PTH: variants seen among roughly 807,000 people sequenced by gnomAD.
PTH encodes the protein parathyroid hormone, also known as parathormone.
PTH carries 7 observed loss-of-function variants against 7.4 expected under a neutral mutation model. That is an observed-to-expected ratio of 0.94 (90% CI 0.53 to 1.77). The LOEUF (loss-of-function observed/expected upper bound fraction) is 1.77, where lower values mean the gene tolerates loss of function less well. Ranked by LOEUF, PTH falls within the 40% of genes most tolerant of loss-of-function variation. PTH has a pLI of 0.00. For missense variants in PTH, 128 were observed against 137.1 expected, an observed-to-expected ratio of 0.93 and a Z score of 0.33; for synonymous variants, 51 against 46.6, an observed-to-expected ratio of 1.09 and a Z score of -0.39.
intron 1 of PTH, among the ~76,000 whole-genome samples, chr11:13,493,846 C>G (rs1847506855): frequency 6.6e-6 from 1 of 152,028 alleles, no homozygotes; most frequent in Non-Finnish European, 1.5e-5. Context: ...AAAGTATTTC[C>G]TTTCTTATGA....
intron 1 of PTH, among the ~76,000 whole-genome samples, chr11:13,494,408 T>C (rs1847514734): frequency 6.6e-6 from 1 of 152,142 alleles, no homozygotes; most frequent in African/African-American, 2.4e-5. Flanking sequence ...GCCTCTGTCA[T>C]ACAGAATGCT....
In PTH at chr11:13,492,370, C is replaced by T. The variant is rs1847484180; in HGVS notation, c.*35G>A. The T allele has an allele frequency of 1.9e-6, 3 of 1,604,694 alleles. No individual in the cohort carries two copies. The highest frequency in any genetic ancestry group is 2.5e-6 in the Non-Finnish European group (3 of 1,179,602). ...AGCATGTATTGTTGCCCTACACTGT[C>T]TAGAGCAGAACTCTGACAATATCTG... On this transcript the variant is annotated 3_prime_UTR_variant, in exon 3 of 3. Transcript: ENST00000282091.
Position 13,492,333 on chromosome 11 carries a change from C to T in PTH, c.*72G>A. 8.2e-6 allele frequency: 13 copies of T among 1,579,622 alleles called. No homozygotes were observed. Among genetic ancestry groups the T allele is most frequent in the Non-Finnish European group, 9.5e-6 (11 of 1,162,290 alleles). The stretch of plus-strand genomic sequence containing the variant: ...TTGGCACTTGGAAATCTTAATAGAG[C>T]TTTGAATTAGCAGCATGTATTGTTG... On this transcript the variant is annotated 3_prime_UTR_variant, in exon 3 of 3. Transcript: ENST00000282091.
At chr11:13,495,579 C>T (rs1020341562) in intron 1 of PTH, among the ~76,000 whole-genome samples, 6 of 152,124 alleles carry the variant, frequency 3.9e-5, no homozygotes, top group African/African-American at 1.2e-4. Flanking sequence ...CAGAACTATT[C>T]ATTCACCATC....
chr11:13,492,148 T>C lies in PTH; in HGVS notation c.*257A>G, dbSNP rs1847479980. On this transcript the variant is annotated 3_prime_UTR_variant, in exon 3 of 3. Coordinates refer to ENST00000282091, the MANE Select transcript of PTH (RefSeq NM_000315.4). ...GAGAGGTTTAAAAGTGCAATTTTATTCTTTTATAAATTATGCAATAACATA... is the reference window on the plus strand; with the variant it reads ...GAGAGGTTTAAAAGTGCAATTTTATCCTTTTATAAATTATGCAATAACATA... 1 of 421,208 alleles carries C rather than the reference T, an allele frequency of 2.4e-6. No homozygotes were observed. Among genetic ancestry groups the C allele is most frequent in the Non-Finnish European group, 4.2e-6 (1 of 240,036 alleles). 26.1% of individuals were successfully genotyped at this position (421,208 alleles called of 1,614,324 possible).
chr11:13,493,629 T>C (rs1847504768), intron 1 of PTH, among the ~76,000 whole-genome samples: 1 of 152,248 alleles, frequency 6.6e-6, no homozygotes, highest in Non-Finnish European at 1.5e-5. Context: ...CCAGAATTCA[T>C]TCTGCATAAA....
Position 13,492,383 on chromosome 11 carries a change from C to CTT in PTH, c.*21_*22insAA. 1 of 1,607,766 alleles carries CTT rather than the reference C, an allele frequency of 6.2e-7. No individual in the cohort carries two copies. Among genetic ancestry groups the CTT allele is most frequent in the Non-Finnish European group, 8.5e-7 (1 of 1,179,878 alleles). ...GCCCTACACTGTCTAGAGCAGAACT[C>CTT]TGACAATATCTGTTTTCATTTTCAC... On this transcript the variant is annotated 3_prime_UTR_variant, in exon 3 of 3. Transcript: ENST00000282091.
At chr11:13,494,708 G>A (rs1453568437) in intron 1 of PTH, among the ~76,000 whole-genome samples, 4 of 152,136 alleles carry the variant, frequency 2.6e-5, no homozygotes, top group Non-Finnish European at 5.9e-5. Context: ...GAGTTCTGAA[G>A]CTTCTAATTA....
chr11:13,493,920 T>C (rs1340216000), intron 1 of PTH, among the ~76,000 whole-genome samples: 1 of 152,230 alleles, frequency 6.6e-6, no homozygotes, highest in African/African-American at 2.4e-5. Flanking sequence ...TATCCTAGTA[T>C]AGAGAGCAAT....
At position 13,492,676 on chromosome 11, in the gene PTH, A is replaced by G; in HGVS notation, c.87-10T>C. On this transcript the variant is annotated splice_polypyrimidine_tract_variant and intron_variant, in intron 2 of 2. Transcript: ENST00000282091. ...ACTCACAGATCTCTTCCTGGGAAGA[A>G]GAGAAACAGAGAGGGCCACTTCCCA... 6.2e-7 allele frequency: 1 copy of G among 1,614,086 alleles called. No individual in the cohort carries two copies. Among genetic ancestry groups the G allele is most frequent in the Non-Finnish European group, 8.5e-7 (1 of 1,180,002 alleles).
rs1402846172 is a variant in PTH at position 13,492,332 on chromosome 11, G to A, written c.*73C>T. 1.9e-6 allele frequency: 3 copies of A among 1,576,582 alleles called. No individual in the cohort carries two copies. The highest frequency in any genetic ancestry group is 3.4e-5 in the Admixed American group (2 of 59,646). On this transcript the variant is annotated 3_prime_UTR_variant, in exon 3 of 3. Transcript: ENST00000282091. ...ATTGGCACTTGGAAATCTTAATAGA[G>A]CTTTGAATTAGCAGCATGTATTGTT...
chr11:13,496,146 CTCT>C (rs1847533597), upstream of PTH: 1 of 152,088 alleles, frequency 6.6e-6, no homozygotes, highest in Non-Finnish European at 1.5e-5. Flanking sequence ...GCGGTGCACA[CTCT>C]TCTTAAGTTT....
rs555718459 is a variant in PTH, at chr11:13,494,204, G to C, written c.-5-1344C>G. ...TGGATGGTGCTGGAAGCCAGGCCTG[G>C]GATTTGGAGAGAAGAGTCTCCAACA... is the stretch of plus-strand genomic sequence containing the variant. On this transcript the variant is annotated intron_variant, in intron 1 of 2. Coordinates refer to ENST00000282091, the MANE Select transcript of PTH (RefSeq NM_000315.4). 2.0e-5 allele frequency among the ~76,000 whole-genome samples: 3 copies of C among 152,178 alleles called. No individual in the cohort carries two copies. In the South Asian group the frequency reaches 6.2e-4, roughly 32 times the overall value.
intron 1 of PTH, among the ~76,000 whole-genome samples, 196 bp downstream of exon 1, chr11:13,495,715 T>G (rs983433101): frequency 6.6e-6 from 1 of 152,190 alleles, no homozygotes; most frequent in African/African-American, 2.4e-5. Flanking sequence ...CAGAAGACTT[T>G]AATCAAAAAG....
rs199910437 is a variant in PTH, at chr11:13,492,763, T to C, written c.86+7A>G. On this transcript the variant is annotated splice_region_variant and intron_variant, in intron 2 of 2. Coordinates refer to ENST00000282091, the MANE Select transcript of PTH (RefSeq NM_000315.4). ...AAAATCCAATTCCAAGGCAAAACAG[T>C]ACTTACTTAACAGATTTCCCATCCG... The C allele has an allele frequency of 1.2e-6, 2 of 1,613,912 alleles. No individual in the cohort carries two copies. Among genetic ancestry groups the C allele is most frequent in the East Asian group, 2.2e-5 (1 of 44,884 alleles).
chr11:13,495,625 A>T (rs1847527983), intron 1 of PTH, among the ~76,000 whole-genome samples: 1 of 152,174 alleles, frequency 6.6e-6, no homozygotes, highest in African/African-American at 2.4e-5. Context: ...CACCGATACT[A>T]TTATATTAAA....
At chr11:13,495,258 C>T (rs1240571428) in intron 1 of PTH, among the ~76,000 whole-genome samples, 2 of 152,128 alleles carry the variant, frequency 1.3e-5, no homozygotes, top group Non-Finnish European at 2.9e-5. Flanking sequence ...CTTGCAAAGG[C>T]TGTTATTATA....
At chr11:13,495,644 T>G (rs528914625) in intron 1 of PTH, among the ~76,000 whole-genome samples, 2 of 152,318 alleles carry the variant, frequency 1.3e-5, no homozygotes, top group South Asian at 4.1e-4. Flanking sequence ...AAGCATAGCA[T>G]GCCAAATTTT....
chr11:13,492,701 A>T (rs758383780), intron 2 of PTH, 35 bp from the exon 3 acceptor site: 4 of 1,614,016 alleles, frequency 2.5e-6, no homozygotes, highest in Admixed American at 1.7e-5. Flanking sequence ...GCCACTTCCC[A>T]TTAGCTCCCC....
Sources: gnomAD v4.1 joint callset for allele counts (sites outside exome capture counted in the v4.1 genomes callset) on GRCh38, gnomAD v4.1.1 for gene constraint, MANE v1.5 for transcripts, NCBI Gene and HGNC (gene_info 2026-07-23, HGNC 2026-07-21) for gene names.